Variants in B3GAT2 observed in about 807,000 individuals in gnomAD.
The protein encoded by B3GAT2 is galactosylgalactosylxylosylprotein 3-beta-glucuronosyltransferase 2.
Under a neutral mutation model 27.8 loss-of-function variants are expected in B3GAT2, and 26 were observed. The observed-to-expected ratio is 0.93, with a 90% confidence interval of 0.68 to 1.30. B3GAT2 has a LOEUF of 1.30. B3GAT2 is among the 50% of genes most tolerant of loss of function. The pLI, the probability that B3GAT2 is intolerant of heterozygous loss-of-function variation, is 0.00. For synonymous variants in B3GAT2, 218 were observed against 195.1 expected (o/e 1.12, Z -0.98); for missense variants, 458 against 459.0 (o/e 1.00, Z 0.02).
chr6:70,931,335 T>A (rs978337379), intron 1 of B3GAT2, among the ~76,000 whole-genome samples: 10 of 151,032 alleles, frequency 6.6e-5, no homozygotes, highest in Non-Finnish European at 7.4e-5. Flanking sequence ...AGTATAATAA[T>A]AAAAAAAGAA....
chr6:70,913,819 G>A (rs1027243315), intron 1 of B3GAT2, among the ~76,000 whole-genome samples: 4 of 152,150 alleles, frequency 2.6e-5, no homozygotes, highest in Non-Finnish European at 4.4e-5. Flanking sequence ...CAATATTACC[G>A]TGTGGTTATC....
At chr6:70,883,326 G>A (rs920111903) in intron 2 of B3GAT2, among the ~76,000 whole-genome samples, 72 of 152,232 alleles carry the variant, frequency 4.7e-4, no homozygotes, top group African/African-American at 1.7e-3. Flanking sequence ...CAACCCAAAC[G>A]TCCATGGCTG....
chr6:70,934,100 C>A lies in B3GAT2; in HGVS notation c.591+21739G>T, dbSNP rs138069999. On this transcript the variant is annotated intron_variant, in intron 1 of 3. Transcript: ENST00000230053. The stretch of plus-strand genomic sequence containing the variant: ...GTCAGTTCCCTTGAGGTCATGGGAG[C>A]CTTTGGCTCAGTCAGGCCTAGAGGC... Among the ~76,000 whole-genome samples the A allele has an allele frequency of 1.6e-4, 25 of 152,310 alleles. 1 individual carries two copies. Among genetic ancestry groups the A allele is most frequent in the African/African-American group, 6.0e-4 (25 of 41,564 alleles).
At chr6:70,870,660 A>T (rs1358021876) in intron 2 of B3GAT2, among the ~76,000 whole-genome samples, 1 of 152,134 alleles carries the variant, frequency 6.6e-6, no homozygotes, top group Non-Finnish European at 1.5e-5. Flanking sequence ...ACAAAAAAAC[A>T]GTTATGTGTG....
At chr6:70,950,037 C>G (rs1765554065) in intron 1 of B3GAT2, among the ~76,000 whole-genome samples, 1 of 149,788 alleles carries the variant, frequency 6.7e-6, no homozygotes, top group Non-Finnish European at 1.5e-5. Flanking sequence ...GGGAACATCA[C>G]ACTCTGGGGA....
In B3GAT2 at chr6:70,937,431, C is replaced by T. The variant is rs1291775556; in HGVS notation, c.591+18408G>A. Among the ~76,000 whole-genome samples, 15 of 151,908 alleles carry T rather than the reference C, an allele frequency of 9.9e-5. 1 individual carries two copies. The highest frequency in any genetic ancestry group is 4.2e-4 in the South Asian group (2 of 4,794). Reference sequence around the variant, plus strand: ...GCCAGCATCATCCTGATACCAAAGCCGGGCAGAGACACAGCCAAAAAAGAG... The same window carrying T: ...GCCAGCATCATCCTGATACCAAAGCTGGGCAGAGACACAGCCAAAAAAGAG... On this transcript the variant is annotated intron_variant, in intron 1 of 3. Coordinates refer to ENST00000230053, the MANE Select transcript of B3GAT2 (RefSeq NM_080742.3).
At position 70,956,195 on chromosome 6, in the gene B3GAT2, G is replaced by C. The variant is rs752716799; in HGVS notation, c.235C>G (p.Leu79Val). Residue 79 changes from leucine to valine, a missense_variant, in exon 1 of 4, where the codon CTG (leucine) becomes GTG (valine). Transcript: ENST00000230053. Reference protein sequence around the residue: ...SRPQPQPEPQLPTIYAITPTY... With the variant: ...SRPQPQPEPQVPTIYAITPTY... ...GGCGTGATGGCATAGATGGTGGGCA[G>C]CTGCGGCTCCGGCTGTGGCTGCGGC... is the stretch of plus-strand genomic sequence containing the variant. 1.5e-5 allele frequency: 24 copies of C among 1,611,870 alleles called. No homozygotes were observed. In the East Asian group the frequency reaches 5.4e-4, roughly 36 times the overall value.
intron 1 of B3GAT2, among the ~76,000 whole-genome samples, chr6:70,916,577 C>G (rs1402801405): frequency 1.3e-5 from 2 of 152,094 alleles, no homozygotes; most frequent in Admixed American, 6.5e-5. Flanking sequence ...TCTATCAATA[C>G]CTAGTTTATT....
At chr6:70,879,411 C>T (rs550786593) in intron 2 of B3GAT2, among the ~76,000 whole-genome samples, 35 of 152,270 alleles carry the variant, frequency 2.3e-4, no homozygotes, top group African/African-American at 8.2e-4. Context: ...CAGTTTTCCC[C>T]CTGACCCCCT....
At chr6:70,932,939 G>A (rs1773083078) in intron 1 of B3GAT2, among the ~76,000 whole-genome samples, 1 of 152,000 alleles carries the variant, frequency 6.6e-6, no homozygotes, top group African/African-American at 2.4e-5. Context: ...GTAGCTGAGG[G>A]TACAGGCACA....
intron 2 of B3GAT2, among the ~76,000 whole-genome samples, chr6:70,891,748 TTGTGTGTG>T (rs147352529): frequency 0.022 from 3,115 of 144,734 alleles, 60 homozygotes; most frequent in Admixed American, 0.065. Flanking sequence ...AGAGCTCAGA[TTGTGTGTG>T]TGTGTGTGTG....
intron 1 of B3GAT2, among the ~76,000 whole-genome samples, chr6:70,901,816 G>A (rs1772503982): frequency 6.6e-6 from 1 of 152,192 alleles, no homozygotes; most frequent in South Asian, 2.1e-4. Context: ...TTTCAAAAAT[G>A]TATGGAGGCA....
chr6:70,948,088 A>G (rs1297489234), intron 1 of B3GAT2, among the ~76,000 whole-genome samples: 2 of 151,022 alleles, frequency 1.3e-5, no homozygotes, highest in East Asian at 3.9e-4. Context: ...TCTCAAAATA[A>G]TAAGAGCTAT....
At chr6:70,888,834 G>A (rs1175977620) in intron 2 of B3GAT2, among the ~76,000 whole-genome samples, 1 of 152,188 alleles carries the variant, frequency 6.6e-6, no homozygotes, top group Non-Finnish European at 1.5e-5. Flanking sequence ...CCTGGCCTGG[G>A]CCTAGCACGG....
chr6:70,936,126 T>G (rs962373145), intron 1 of B3GAT2, among the ~76,000 whole-genome samples: 1 of 151,494 alleles, frequency 6.6e-6, no homozygotes, highest in African/African-American at 2.4e-5. Context: ...AAACAGACTT[T>G]AAACCAACAA....
chr6:70,909,530 T>C (rs921658387), intron 1 of B3GAT2, among the ~76,000 whole-genome samples: 6 of 152,212 alleles, frequency 3.9e-5, no homozygotes, highest in African/African-American at 1.4e-4. Context: ...ATGTATTACT[T>C]ACCCTCTTTG....
intron 1 of B3GAT2, among the ~76,000 whole-genome samples, chr6:70,945,303 G>A (rs948973656): frequency 3.3e-5 from 5 of 152,082 alleles, no homozygotes; most frequent in Admixed American, 6.6e-5. Flanking sequence ...CAAGCCAAAG[G>A]CAAAGAAGTT....
At chr6:70,868,307 T>C (rs549134595) in intron 2 of B3GAT2, among the ~76,000 whole-genome samples, 1 of 152,190 alleles carries the variant, frequency 6.6e-6, no homozygotes, top group African/African-American at 2.4e-5. Context: ...ATCCTGGCCA[T>C]TTAAATAAGG....
intron 2 of B3GAT2, among the ~76,000 whole-genome samples, chr6:70,879,902 TG>T (rs1772073136): frequency 6.6e-6 from 1 of 151,246 alleles, no homozygotes; most frequent in Admixed American, 6.6e-5. Flanking sequence ...GGCTCGGGGG[TG>T]GGGATGCCCA....
Sources: gnomAD v4.1 joint callset for allele counts (sites outside exome capture counted in the v4.1 genomes callset) on GRCh38, gnomAD v4.1.1 for gene constraint, MANE v1.5 for transcripts, NCBI Gene and HGNC (gene_info 2026-07-23, HGNC 2026-07-21) for gene names.